SGPP1: variants seen among roughly 807,000 people sequenced by gnomAD.
The protein encoded by SGPP1 is hSPP1.
A neutral mutation model predicts 33.0 loss-of-function variants in SGPP1; 21 were observed. The observed-to-expected ratio is 0.64, with a 90% CI of 0.45 to 0.92. The LOEUF is 0.92. Ranked by LOEUF, SGPP1 falls within the 40% of genes least tolerant of loss-of-function variation. SGPP1 has a pLI of 0.00. For missense variants in SGPP1, 543 were observed against 589.4 expected, an observed-to-expected ratio of 0.92 and a Z score of 0.81; for synonymous variants, 239 against 241.2, an observed-to-expected ratio of 0.99 and a Z score of 0.08.
At chr14:63,719,448 A>G (rs1366479551) in intron 1 of SGPP1, among the ~76,000 whole-genome samples, 1 of 152,100 alleles carries the variant, frequency 6.6e-6, no homozygotes, top group African/African-American at 2.4e-5. Flanking sequence ...TACAATCTTT[A>G]TGACAGGCAA....
intron 1 of SGPP1, among the ~76,000 whole-genome samples, chr14:63,710,859 G>A (rs1885506516): frequency 6.6e-6 from 1 of 152,108 alleles, no homozygotes; most frequent in Non-Finnish European, 1.5e-5. Context: ...TCAGTTGTAG[G>A]ACCATGGGAT....
chr14:63,715,259 C>T (rs1885600172), intron 1 of SGPP1, among the ~76,000 whole-genome samples: 1 of 152,134 alleles, frequency 6.6e-6, no homozygotes, highest in East Asian at 1.9e-4. Context: ...AGGTGATCCA[C>T]CCACCTCAGC....
intron 2 of SGPP1, among the ~76,000 whole-genome samples, chr14:63,694,392 TA>T (rs1183186770): frequency 6.6e-6 from 1 of 152,150 alleles, no homozygotes; most frequent in Non-Finnish European, 1.5e-5. Context: ...TCAATTGACA[TA>T]AAAAATCCAT....
At chr14:63,726,459 AT>A (rs1383949913) in intron 1 of SGPP1, among the ~76,000 whole-genome samples, 49 of 151,636 alleles carry the variant, frequency 3.2e-4, no homozygotes, top group African/African-American at 1.2e-3. Context: ...AAAAAAAAAA[AT>A]TTTCCTGATT....
Position 63,685,087 on chromosome 14 carries a change from C to T in SGPP1, c.*1018G>A, listed in dbSNP as rs1409606090. ...GACAATGTACAAAAAATATGTCCTG[C>T]TCCTATAACTTACAATGCACAGAAA... is the stretch of plus-strand genomic sequence containing the variant. On this transcript the variant is annotated 3_prime_UTR_variant, in exon 3 of 3. Transcript: ENST00000247225. The T allele has an allele frequency of 6.6e-6, 1 of 151,914 alleles. No homozygotes were observed. The highest frequency in any genetic ancestry group is 1.5e-5 in the Non-Finnish European group (1 of 67,886). The allele number at this position is 151,914 out of a possible 1,614,324, so 9.4% of individuals were successfully genotyped here. A position where few individuals can be genotyped will look rare whatever the true frequency, so the allele number is the denominator to read the frequency against.
chr14:63,712,370 C>A (rs1885541054), intron 1 of SGPP1, among the ~76,000 whole-genome samples: 1 of 152,118 alleles, frequency 6.6e-6, no homozygotes, highest in Admixed American at 6.6e-5. Flanking sequence ...ACACCCCTCT[C>A]TTCTGAAAAC....
At chr14:63,688,049 C>T (rs547984671) in intron 2 of SGPP1, among the ~76,000 whole-genome samples, 18 of 152,164 alleles carry the variant, frequency 1.2e-4, no homozygotes, top group East Asian at 5.8e-4. Context: ...CGCTTGAACC[C>T]GGGAGGCAGA....
intron 1 of SGPP1, among the ~76,000 whole-genome samples, chr14:63,705,839 A>T (rs1194793533): frequency 6.6e-6 from 1 of 152,258 alleles, no homozygotes; most frequent in African/African-American, 2.4e-5. Context: ...GTTGGGATGT[A>T]AAATGAAGCA....
intron 1 of SGPP1, among the ~76,000 whole-genome samples, chr14:63,716,543 A>T (rs1300855996): frequency 6.6e-6 from 1 of 151,936 alleles, no homozygotes; most frequent in Admixed American, 6.6e-5. Flanking sequence ...AATTTAAAAA[A>T]TTAGCCAGGC....
chr14:63,697,417 ACATGACC>A (rs1885208455), intron 2 of SGPP1, among the ~76,000 whole-genome samples: 1 of 152,194 alleles, frequency 6.6e-6, no homozygotes, highest in South Asian at 2.1e-4. Flanking sequence ...AAAAAAACTG[ACATGACC>A]CATTAGAAAC....
At chr14:63,710,080 CT>C (rs1294138429) in intron 1 of SGPP1, among the ~76,000 whole-genome samples, 1 of 149,752 alleles carries the variant, frequency 6.7e-6, no homozygotes, top group East Asian at 1.9e-4. Flanking sequence ...GAAAGAATTT[CT>C]GTTCAATTCT....
chr14:63,686,054 G>A lies in SGPP1; in HGVS notation c.*51C>T. On this transcript the variant is annotated 3_prime_UTR_variant, in exon 3 of 3. Transcript: ENST00000247225. ...CTGGCTTTACCTGGAATATATTTTT[G>A]GGTATCAGTAACTGATACCCTCCTT... 9.2e-7 allele frequency: 1 copy of A among 1,084,770 alleles called. No homozygotes were observed. The highest frequency in any genetic ancestry group is 1.3e-6 in the Non-Finnish European group (1 of 774,526). 67.2% of individuals were successfully genotyped at this position (1,084,770 alleles called of 1,614,324 possible).
chr14:63,698,428 A>G (rs984404268), intron 2 of SGPP1, 141 bp downstream of exon 2: 10 of 462,458 alleles, frequency 2.2e-5, no homozygotes, highest in Admixed American at 4.2e-5. Context: ...CATCATGTTG[A>G]TATTTTCGCA....
chr14:63,698,654 G>A lies in SGPP1; in HGVS notation c.689C>T (p.Pro230Leu), dbSNP rs902447406. 6.5e-7 allele frequency: 1 copy of A among 1,548,160 alleles called. No individual in the cohort carries two copies. The highest frequency in any genetic ancestry group is 8.7e-7 in the Non-Finnish European group (1 of 1,147,586). Residue 230 changes from proline to leucine, a missense_variant, in exon 2 of 3, where the codon CCT becomes CTT. Coordinates refer to ENST00000247225, the MANE Select transcript of SGPP1 (RefSeq NM_030791.4). ...VLLTYGRWQY[P>L]LIYGLILIPC... is the part of the protein sequence containing the mutation. ...AATAAGAATCAGTCCATATATAAGA[G>A]GGTACTAAAGGGGAAAAAAAGTAAA...
At chr14:63,689,617 T>C (rs1566816737) in intron 2 of SGPP1, among the ~76,000 whole-genome samples, 1 of 151,642 alleles carries the variant, frequency 6.6e-6, no homozygotes, top group African/African-American at 2.4e-5. Flanking sequence ...GCCAACATGG[T>C]GAAACCCTAT....
At chr14:63,724,931 A>C (rs1885847553) in intron 1 of SGPP1, among the ~76,000 whole-genome samples, 1 of 151,282 alleles carries the variant, frequency 6.6e-6, no homozygotes, top group African/African-American at 2.4e-5. Context: ...GAGGGAGGAT[A>C]ACTTGAGCCC....
chr14:63,689,281 T>A (rs910621081), intron 2 of SGPP1, among the ~76,000 whole-genome samples: 1 of 152,088 alleles, frequency 6.6e-6, no homozygotes, highest in Non-Finnish European at 1.5e-5. Flanking sequence ...CAAGCATGAA[T>A]TTTGGCTTCA....
chr14:63,707,766 G>A (rs368294722), intron 1 of SGPP1, among the ~76,000 whole-genome samples: 2 of 151,894 alleles, frequency 1.3e-5, no homozygotes, highest in Admixed American at 1.3e-4. Context: ...ATTTTTTTAT[G>A]TCTTGGATAA....
In SGPP1 at chr14:63,715,795, T is replaced by C. The variant is rs1423265859; in HGVS notation, c.684+11466A>G. On this transcript the variant is annotated intron_variant, in intron 1 of 2. Coordinates refer to ENST00000247225, the MANE Select transcript of SGPP1 (RefSeq NM_030791.4). ...GGCTGAGTACTAATCTGTGCATGCA[T>C]GGGGAGAAATCCACCAGACTGTAGA... Among the ~76,000 whole-genome samples the C allele has an allele frequency of 2.0e-5, 3 of 152,080 alleles. No individual in the cohort carries two copies. In the East Asian group the frequency reaches 5.8e-4, roughly 29 times the overall value.
Sources: gnomAD v4.1 joint callset for allele counts (sites outside exome capture counted in the v4.1 genomes callset) on GRCh38, gnomAD v4.1.1 for gene constraint, MANE v1.5 for transcripts, NCBI Gene and HGNC (gene_info 2026-07-23, HGNC 2026-07-21) for gene names.